Variants in ADCY2 observed in about 807,000 individuals in gnomAD.
The protein encoded by ADCY2 is adenylate cyclase type 2.
Under a neutral mutation model 125.2 loss-of-function variants are expected in ADCY2, and 31 were observed. The observed-to-expected ratio is 0.25, with a 90% confidence interval of 0.19 to 0.33. The LOEUF (loss-of-function observed/expected upper bound fraction) is 0.33, where lower values mean the gene tolerates loss of function less well. Ranked by LOEUF, ADCY2 falls within the 10% of genes least tolerant of loss-of-function variation. The pLI is 1.00. For missense variants in ADCY2, 904 were observed against 1,418.2 expected (o/e 0.64, Z 5.82); for synonymous variants, 512 against 548.4 (o/e 0.93, Z 0.93).
chr5:7,539,363 A>T (rs1031330520), intron 3 of ADCY2, among the ~76,000 whole-genome samples: 8 of 152,066 alleles, frequency 5.3e-5, no homozygotes, highest in South Asian at 2.1e-4. Flanking sequence ...ATTAAAAAAA[A>T]AAAAATAAAA....
At chr5:7,587,191 A>G (rs1008586784) in intron 3 of ADCY2, among the ~76,000 whole-genome samples, 3 of 151,568 alleles carry the variant, frequency 2.0e-5, no homozygotes, top group Non-Finnish European at 2.9e-5. Context: ...ACTAACTTCA[A>G]CTCATCCCTT....
At chr5:7,443,969 T>C (rs1741121786) in intron 2 of ADCY2, among the ~76,000 whole-genome samples, 2 of 152,288 alleles carry the variant, frequency 1.3e-5, no homozygotes, top group East Asian at 1.9e-4. Flanking sequence ...ATAAAATGCA[T>C]AATTCCAAAC....
intron 2 of ADCY2, among the ~76,000 whole-genome samples, chr5:7,453,843 C>T (rs961017455): frequency 6.6e-6 from 1 of 152,060 alleles, no homozygotes; most frequent in Non-Finnish European, 1.5e-5. Flanking sequence ...CACTTGGGGC[C>T]ATCTTCCCTT....
At chr5:7,430,290 A>G (rs1002156960) in intron 2 of ADCY2, among the ~76,000 whole-genome samples, 9 of 151,938 alleles carry the variant, frequency 5.9e-5, no homozygotes, top group African/African-American at 2.2e-4. Flanking sequence ...AGAATAAGTA[A>G]TCTCAATTCT....
intron 7 of ADCY2, 80 bp downstream of exon 7, chr5:7,698,454 A>G (rs1740964533): frequency 1.1e-5 from 16 of 1,437,226 alleles, no homozygotes; most frequent in Non-Finnish European, 1.4e-5. Context: ...GGTTTGTTAC[A>G]TAGGTATACA....
At chr5:7,665,983 C>T (rs1181797231) in intron 4 of ADCY2, among the ~76,000 whole-genome samples, 70 of 148,704 alleles carry the variant, frequency 4.7e-4, no homozygotes, top group Non-Finnish European at 7.8e-4. Flanking sequence ...GGACTACAGG[C>T]ACCCGCCACT....
At chr5:7,578,398 T>A (rs1277147647) in intron 3 of ADCY2, among the ~76,000 whole-genome samples, 1 of 152,176 alleles carries the variant, frequency 6.6e-6, no homozygotes. Flanking sequence ...GTTCCCCCAG[T>A]GTAAACACTT....
intron 3 of ADCY2, among the ~76,000 whole-genome samples, chr5:7,599,010 AGGT>A (rs1737107737): frequency 6.6e-6 from 1 of 152,236 alleles, no homozygotes; most frequent in Non-Finnish European, 1.5e-5. Context: ...TGACTGAGGC[AGGT>A]GGTCTTGCGC....
chr5:7,712,674 C>T (rs1451375553), intron 10 of ADCY2, among the ~76,000 whole-genome samples, 182 bp from the exon 11 acceptor site: 3 of 152,184 alleles, frequency 2.0e-5, no homozygotes, highest in Non-Finnish European at 4.4e-5. Flanking sequence ...CAAAGATAAA[C>T]TGAGTTTACA....
intron 3 of ADCY2, among the ~76,000 whole-genome samples, chr5:7,572,268 A>G (rs974394619): frequency 1.3e-5 from 2 of 152,210 alleles, no homozygotes; most frequent in Non-Finnish European, 2.9e-5. Context: ...ACTCCCGTCA[A>G]CAGTGTATAA....
chr5:7,771,808 A>T (rs1194307306), intron 17 of ADCY2, among the ~76,000 whole-genome samples: 1 of 152,248 alleles, frequency 6.6e-6, no homozygotes, highest in Non-Finnish European at 1.5e-5. Flanking sequence ...GATGAAATTA[A>T]AATGGAGTAG....
At chr5:7,635,904 C>A (rs1738484996) in intron 4 of ADCY2, among the ~76,000 whole-genome samples, 1 of 152,192 alleles carries the variant, frequency 6.6e-6, no homozygotes, top group Non-Finnish European at 1.5e-5. Flanking sequence ...TGACGGGGAT[C>A]CTGGGGATGT....
intron 4 of ADCY2, among the ~76,000 whole-genome samples, chr5:7,684,915 C>T (rs930185443): frequency 1.3e-5 from 2 of 152,120 alleles, no homozygotes; most frequent in African/African-American, 2.4e-5. Flanking sequence ...TGCTGAAGTG[C>T]CTAGTGACTT....
intron 3 of ADCY2, among the ~76,000 whole-genome samples, chr5:7,541,474 A>G (rs572596333): frequency 3.9e-5 from 6 of 152,348 alleles, no homozygotes; most frequent in East Asian, 3.9e-4. Flanking sequence ...TCTTTGAGCA[A>G]CATTCTTGAT....
chr5:7,778,899 C>G (rs1743826109), intron 18 of ADCY2, among the ~76,000 whole-genome samples: 1 of 152,186 alleles, frequency 6.6e-6, no homozygotes, highest in African/African-American at 2.4e-5. Flanking sequence ...TTCCCAAGAA[C>G]CTGAAATTGT....
chr5:7,477,060 T>G (rs903637073), intron 2 of ADCY2, among the ~76,000 whole-genome samples: 1 of 152,154 alleles, frequency 6.6e-6, no homozygotes, highest in African/African-American at 2.4e-5. Context: ...TTCTCCAGCA[T>G]CTAGTAAAGC....
intron 4 of ADCY2, among the ~76,000 whole-genome samples, chr5:7,689,620 T>C (rs912508760): frequency 6.6e-6 from 1 of 152,094 alleles, no homozygotes; most frequent in Admixed American, 6.5e-5. Flanking sequence ...CAAAGCGATG[T>C]GCACTAGGAG....
At chr5:7,468,598 G>A (rs1172758078) in intron 2 of ADCY2, among the ~76,000 whole-genome samples, 1 of 152,092 alleles carries the variant, frequency 6.6e-6, no homozygotes, top group East Asian at 1.9e-4. Context: ...ACAAAAGTTT[G>A]TTAGCTGAAA....
chr5:7,717,290 G>T (rs1215382797), intron 12 of ADCY2, 53 bp downstream of exon 12: 2 of 1,339,334 alleles, frequency 1.5e-6, no homozygotes, highest in African/African-American at 1.5e-5. Context: ...TGTTCCAGTT[G>T]TATTTTATCA....
Sources: allele counts gnomAD v4.1 joint callset (sites outside exome capture counted in the v4.1 genomes callset), GRCh38; gene constraint gnomAD v4.1.1; transcripts MANE v1.5; gene names NCBI Gene and HGNC (gene_info 2026-07-23, HGNC 2026-07-21).